Variants in RGS6 observed in about 807,000 individuals in gnomAD.
The protein encoded by RGS6 is regulator of G-protein signaling 6.
RGS6 carries 30 observed loss-of-function variants against 78.5 expected under a neutral mutation model. The ratio of observed to expected loss-of-function variants is 0.38; its 90% confidence interval spans 0.29 to 0.52. The LOEUF is 0.52. Among genes scored for constraint, RGS6 ranks in the 20% least tolerant of loss-of-function variants. RGS6 has a pLI of 0.85. For synonymous variants in RGS6, 206 were observed against 206.0 expected (o/e 1.00, Z 0.00); for missense variants, 495 against 609.7 (o/e 0.81, Z 1.98).
chr14:72,615,371 C>T, the RGS6 span, among the ~76,000 whole-genome samples: 2 of 152,142 alleles, frequency 1.3e-5, no homozygotes, highest in African/African-American at 4.8e-5. Flanking sequence ...TCCACTTGCC[C>T]CGAAAGGAAA....
intron 2 of RGS6, among the ~76,000 whole-genome samples, chr14:72,148,322 C>A (rs2096636702): frequency 6.6e-6 from 1 of 151,466 alleles, no homozygotes; most frequent in African/African-American, 2.4e-5. Flanking sequence ...CACTTGTGTC[C>A]ATGAGTTCGA....
chr14:72,029,274 A>G (rs1355963619), intron 2 of RGS6, among the ~76,000 whole-genome samples: 1 of 152,224 alleles, frequency 6.6e-6, no homozygotes, highest in Non-Finnish European at 1.5e-5. Context: ...ATCTTGACAG[A>G]ACTTGTACAA....
At chr14:72,082,895 C>T (rs1415181206) in intron 2 of RGS6, among the ~76,000 whole-genome samples, 1 of 152,120 alleles carries the variant, frequency 6.6e-6, no homozygotes, top group Non-Finnish European at 1.5e-5. Context: ...AACCCCAACT[C>T]AAATTGGCTT....
At chr14:72,127,693 C>T (rs1285120709) in intron 2 of RGS6, among the ~76,000 whole-genome samples, 2 of 152,008 alleles carry the variant, frequency 1.3e-5, no homozygotes, top group Non-Finnish European at 2.9e-5. Flanking sequence ...TAGCATTTAC[C>T]CTGTTCCCTC....
At chr14:72,141,783 C>G (rs1033298212) in intron 2 of RGS6, among the ~76,000 whole-genome samples, 1 of 152,056 alleles carries the variant, frequency 6.6e-6, no homozygotes, top group African/African-American at 2.4e-5. Context: ...TCTGTATATT[C>G]CCTCTTAGGA....
intron 2 of RGS6, among the ~76,000 whole-genome samples, chr14:72,152,245 AGTGT>A (rs10686344): frequency 0.033 from 3,245 of 97,148 alleles, 94 homozygotes; most frequent in African/African-American, 0.1. Flanking sequence ...AGAGAGAGAG[AGTGT>A]GTGTGTGTGT....
chr14:72,355,347 C>T (rs985429805), intron 3 of RGS6, among the ~76,000 whole-genome samples: 2 of 152,058 alleles, frequency 1.3e-5, no homozygotes, highest in Non-Finnish European at 2.9e-5. Context: ...GCATCCGCCA[C>T]CACACCTGGC....
chr14:72,610,783 G>T, the RGS6 span, among the ~76,000 whole-genome samples: 1 of 152,314 alleles, frequency 6.6e-6, no homozygotes, highest in Admixed American at 6.5e-5. Flanking sequence ...CCCTCAAGGA[G>T]CTGGGGACCT....
intron 1 of RGS6, among the ~76,000 whole-genome samples, chr14:71,955,414 C>T (rs544081823): frequency 8.5e-5 from 13 of 152,192 alleles, no homozygotes; most frequent in South Asian, 4.2e-4. Context: ...GGGGCAAGTC[C>T]GTAGAGTAAA....
At chr14:72,054,890 G>A (rs1413039928) in intron 2 of RGS6, among the ~76,000 whole-genome samples, 2 of 152,156 alleles carry the variant, frequency 1.3e-5, no homozygotes, top group South Asian at 4.1e-4. Context: ...ATGATCTCTT[G>A]AGACTTGCTG....
the RGS6 span, among the ~76,000 whole-genome samples, chr14:71,896,276 G>A: frequency 6.6e-6 from 1 of 152,166 alleles, no homozygotes; most frequent in Non-Finnish European, 1.5e-5. Context: ...GAGCAGCCCC[G>A]AGGGCTGCTG....
At chr14:72,507,064 G>A (rs1389096488) in intron 13 of RGS6, among the ~76,000 whole-genome samples, 3 of 148,576 alleles carry the variant, frequency 2.0e-5, no homozygotes, top group African/African-American at 7.4e-5. Context: ...AGCTACTCAG[G>A]AGGCTGAGGC....
At chr14:72,559,937 A>G (rs2097647673) in intron 17 of RGS6, among the ~76,000 whole-genome samples, 1 of 152,132 alleles carries the variant, frequency 6.6e-6, no homozygotes, top group Non-Finnish European at 1.5e-5. Flanking sequence ...TCCTCCAGAA[A>G]TAGAATCTCC....
the RGS6 span, among the ~76,000 whole-genome samples, chr14:71,888,886 A>G: frequency 2.0e-5 from 3 of 152,190 alleles, no homozygotes; most frequent in Non-Finnish European, 4.4e-5. Context: ...GAAAACTACA[A>G]TAAAACACTG....
In RGS6 at chr14:72,563,132, C is replaced by G. The variant is rs10138291; in HGVS notation, c.*665C>G. 1 of 279,664 alleles carries G rather than the reference C, an allele frequency of 3.6e-6. No individual in the cohort carries two copies. The highest frequency in any genetic ancestry group is 7.0e-6 in the Non-Finnish European group (1 of 142,626). 17.3% of individuals were successfully genotyped at this position (279,664 alleles called of 1,614,324 possible). On this transcript the variant is annotated 3_prime_UTR_variant, in exon 18 of 18. Coordinates refer to ENST00000553525, the MANE Select transcript of RGS6 (RefSeq NM_001204424.2). ...CAGCGTTCGGAGAGGTCCCCGCCAG[C>G]CCGGTGGCTGCCCTCAGGTCCCGTC...
At chr14:71,952,720 A>G (rs1429824674) in intron 1 of RGS6, among the ~76,000 whole-genome samples, 1 of 152,188 alleles carries the variant, frequency 6.6e-6, no homozygotes, top group Non-Finnish European at 1.5e-5. Context: ...CATTGCTGCT[A>G]CAAATGGAGG....
At chr14:72,408,170 G>C (rs2093099092) in intron 3 of RGS6, among the ~76,000 whole-genome samples, 1 of 152,138 alleles carries the variant, frequency 6.6e-6, no homozygotes, top group Admixed American at 6.5e-5. Flanking sequence ...CAGCGTAGTT[G>C]GCAAAGCTGT....
At chr14:72,081,438 TC>T (rs1183692709) in intron 2 of RGS6, among the ~76,000 whole-genome samples, 2 of 152,134 alleles carry the variant, frequency 1.3e-5, no homozygotes, top group Non-Finnish European at 2.9e-5. Flanking sequence ...TGGTATACTT[TC>T]TTGAGTTTGT....
chr14:72,476,779 G>T lies in RGS6; in HGVS notation c.731G>T (p.Ser244Ile). The part of the protein sequence containing the change: ...YGVTEESQAQ[S>I]PVHVLSQPIR... ...GTGACTGAAGAGTCCCAGGCACAGA[G>T]CCCGGTGCATGTACTCAGCCAACCA... Residue 244 changes from serine (S) to isoleucine (I), a missense_variant, in exon 11 of 18, where the codon AGC becomes ATC. Coordinates refer to ENST00000553525, the MANE Select transcript of RGS6 (RefSeq NM_001204424.2). 6.2e-7 allele frequency: 1 copy of T among 1,614,200 alleles called. No individual in the cohort carries two copies. Among genetic ancestry groups the T allele is most frequent in the Non-Finnish European group, 8.5e-7 (1 of 1,180,020 alleles).
Sources: allele counts gnomAD v4.1 joint callset (sites outside exome capture counted in the v4.1 genomes callset), GRCh38; gene constraint gnomAD v4.1.1; transcripts MANE v1.5; gene names NCBI Gene and HGNC (gene_info 2026-07-23, HGNC 2026-07-21).